Variants in METTL16 observed in about 807,000 individuals in gnomAD.
METTL16 encodes the protein methyltransferase 16, RNA N6-adenosine.
Under a neutral mutation model 57.9 loss-of-function variants are expected in METTL16, and 19 were observed. The ratio of observed to expected loss-of-function variants is 0.33; its 90% CI spans 0.23 to 0.48. The LOEUF is 0.48. Among genes scored for constraint, METTL16 ranks in the 20% least tolerant of loss-of-function variants. The probability of loss-of-function intolerance (pLI) is 0.99; values close to 1 mark genes in which losing one functional copy is unlikely to be tolerated. For synonymous variants in METTL16, 246 were observed against 255.6 expected, an observed-to-expected ratio of 0.96 and a Z score of 0.36; for missense variants, 434 against 691.5, an observed-to-expected ratio of 0.63 and a Z score of 4.18.
At chr17:2,457,968 C>A (rs1170769233) in intron 6 of METTL16, among the ~76,000 whole-genome samples, 1 of 152,120 alleles carries the variant, frequency 6.6e-6, no homozygotes, top group Non-Finnish European at 1.5e-5. Context: ...CAGCCTCAAC[C>A]TCCCAGGCTC....
chr17:2,457,318 A>G, intron 6 of METTL16, among the ~76,000 whole-genome samples: 1 of 144,408 alleles, frequency 6.9e-6, no homozygotes, highest in East Asian at 2.0e-4. Flanking sequence ...AACATGGACG[A>G]CAGAGCGAGA....
chr17:2,442,608 A>G (rs1567887010), intron 6 of METTL16, among the ~76,000 whole-genome samples: 2 of 152,286 alleles, frequency 1.3e-5, no homozygotes, highest in South Asian at 2.1e-4. Flanking sequence ...TGAAGTCAAG[A>G]AAAAAAGAAG....
chr17:2,486,365 G>A (rs965478578), intron 2 of METTL16, among the ~76,000 whole-genome samples: 2 of 151,452 alleles, frequency 1.3e-5, no homozygotes, highest in Admixed American at 1.3e-4. Flanking sequence ...TACGCCTCCC[G>A]GGTTCAAGCA....
At chr17:2,509,036 G>A (rs1354588639) in intron 1 of METTL16, among the ~76,000 whole-genome samples, 1 of 152,034 alleles carries the variant, frequency 6.6e-6, no homozygotes, top group Non-Finnish European at 1.5e-5. Flanking sequence ...ATTTACTCAG[G>A]CAGCCTTTCT....
intron 8 of METTL16, chr17:2,424,181 T>C (rs956672750): frequency 8.6e-5 from 13 of 150,348 alleles, no homozygotes; most frequent in Admixed American, 5.9e-4. Context: ...TGGCGGGATC[T>C]CGGCTCACTG....
chr17:2,507,966 A>C (rs1262479062), intron 1 of METTL16, among the ~76,000 whole-genome samples: 3 of 152,194 alleles, frequency 2.0e-5, no homozygotes, highest in Non-Finnish European at 4.4e-5. Context: ...CCTAATCTCA[A>C]GTACCCAGGG....
At chr17:2,502,799 C>G (rs2151580370) in intron 1 of METTL16, among the ~76,000 whole-genome samples, 1 of 152,002 alleles carries the variant, frequency 6.6e-6, no homozygotes, top group East Asian at 1.9e-4. Context: ...AAAATGCATA[C>G]AACAAATAAG....
intron 6 of METTL16, among the ~76,000 whole-genome samples, chr17:2,443,893 G>T (rs1025100373): frequency 6.6e-6 from 1 of 152,194 alleles, no homozygotes; most frequent in African/African-American, 2.4e-5. Context: ...GCTGGGAAAA[G>T]GGAAGATGTT....
intron 1 of METTL16, among the ~76,000 whole-genome samples, chr17:2,504,566 T>C (rs1166326926): frequency 6.6e-6 from 1 of 152,104 alleles, no homozygotes; most frequent in Non-Finnish European, 1.5e-5. Flanking sequence ...TCTTGTTTTG[T>C]TTGTTCTGAG....
intron 8 of METTL16, among the ~76,000 whole-genome samples, chr17:2,422,755 G>A (rs1270913567): frequency 6.6e-6 from 1 of 152,068 alleles, no homozygotes; most frequent in East Asian, 1.9e-4. Flanking sequence ...AGGCCGAGGC[G>A]GCCGGATGGA....
intron 7 of METTL16, 85 bp from the exon 8 acceptor site, chr17:2,438,283 T>C (rs2066922816): frequency 2.1e-6 from 2 of 961,690 alleles, no homozygotes; most frequent in Non-Finnish European, 3.4e-6. Context: ...CATATTATGT[T>C]GATCCTTCTT....
chr17:2,468,909 TTG>T (rs1468876845), intron 4 of METTL16, among the ~76,000 whole-genome samples: 58 of 140,880 alleles, frequency 4.1e-4, no homozygotes, highest in African/African-American at 1.3e-3. Flanking sequence ...TGTTTTTTTT[TTG>T]TTGTTGTGTG....
chr17:2,465,546 C>CAAAAAAAAA (rs547864019), intron 5 of METTL16, among the ~76,000 whole-genome samples: 1 of 24,492 alleles, frequency 4.1e-5, no homozygotes. Context: ...GACTCCATCT[C>CAAAAAAAAA]AAAAAAAAAA....
intron 2 of METTL16, among the ~76,000 whole-genome samples, chr17:2,487,378 A>AAGGAGAAAATATAAAGTGCG (rs1354354322): frequency 3.3e-5 from 5 of 152,236 alleles, no homozygotes; most frequent in African/African-American, 7.2e-5. Context: ...AACAGCGATG[A>AAGGAGAAAATATAAAGTGCG]AGGAGAAAAT....
intron 2 of METTL16, among the ~76,000 whole-genome samples, chr17:2,499,034 C>A (rs549425214): frequency 8.6e-5 from 13 of 151,702 alleles, no homozygotes; most frequent in African/African-American, 3.2e-4. Context: ...AACCAAGAGA[C>A]CATTTCGGTT....
chr17:2,444,255 G>C (rs1259516486), intron 6 of METTL16, among the ~76,000 whole-genome samples: 1 of 152,104 alleles, frequency 6.6e-6, no homozygotes. Flanking sequence ...TTCGAGACTA[G>C]CTTGGCCAAC....
At chr17:2,505,395 ATTTTTTTTTTTTTTTTTTTT>A (rs564797281) in intron 1 of METTL16, among the ~76,000 whole-genome samples, 565 of 50,598 alleles carry the variant, frequency 0.011, 3 homozygotes, top group Non-Finnish European at 0.017. Flanking sequence ...GCCCAGAGGC[ATTTTTTTTTTTTTTTTTTTT>A]TTTTTTTTTT....
intron 8 of METTL16, among the ~76,000 whole-genome samples, chr17:2,424,918 A>G (rs2066806669): frequency 6.6e-6 from 1 of 152,040 alleles, no homozygotes; most frequent in African/African-American, 2.4e-5. Context: ...ACTGCACTCC[A>G]GCCTCGGTGA....
At chr17:2,426,954 G>C (rs2151542638) in intron 8 of METTL16, among the ~76,000 whole-genome samples, 1 of 148,386 alleles carries the variant, frequency 6.7e-6, no homozygotes, top group East Asian at 2.0e-4. Context: ...GGCCAACATG[G>C]TGAAACCCCA....
Sources: allele counts gnomAD v4.1 joint callset (sites outside exome capture counted in the v4.1 genomes callset), GRCh38; gene constraint gnomAD v4.1.1; transcripts MANE v1.5; gene names NCBI Gene and HGNC (gene_info 2026-07-23, HGNC 2026-07-21).